The following CDH9 variants were observed in gnomAD, a reference collection of about 807,000 sequenced individuals.
CDH9 encodes the protein cadherin 9.
A neutral mutation model predicts 70.9 loss-of-function variants in CDH9; 28 were observed. That is an observed-to-expected ratio of 0.40 (90% confidence interval 0.29 to 0.54). CDH9 has a LOEUF of 0.54. Among genes scored for constraint, CDH9 ranks in the 20% least tolerant of loss-of-function variants. The pLI is 0.59. For missense variants in CDH9, 874 were observed against 984.4 expected, an observed-to-expected ratio of 0.89 and a Z score of 1.50; for synonymous variants, 409 against 343.1, an observed-to-expected ratio of 1.19 and a Z score of -2.12.
chr5:26,969,869 G>T (rs913582937), intron 2 of CDH9, among the ~76,000 whole-genome samples: 1 of 4,148 alleles, frequency 2.4e-4, no homozygotes, highest in African/African-American at 2.6e-4. Context: ...TTACTGGCTG[G>T]TTAAAAAATG....
At chr5:26,958,193 G>A (rs1327375343) in intron 2 of CDH9, among the ~76,000 whole-genome samples, 2 of 152,158 alleles carry the variant, frequency 1.3e-5, no homozygotes, top group African/African-American at 4.8e-5. Flanking sequence ...GTGAGCAGCA[G>A]AGGAGAGTGA....
intron 1 of CDH9, among the ~76,000 whole-genome samples, chr5:27,029,355 G>T (rs1743273456): frequency 6.6e-6 from 1 of 151,924 alleles, no homozygotes; most frequent in Non-Finnish European, 1.5e-5. Context: ...TGTTTATACT[G>T]AAGAGAAAAT....
At chr5:26,952,107 G>T (rs746512251) in intron 2 of CDH9, among the ~76,000 whole-genome samples, 1 of 150,846 alleles carries the variant, frequency 6.6e-6, no homozygotes, top group East Asian at 2.0e-4. Flanking sequence ...GAGATGACAG[G>T]TGCCTGTCAC....
At chr5:26,936,969 G>A (rs1264528538) in intron 2 of CDH9, among the ~76,000 whole-genome samples, 1 of 151,902 alleles carries the variant, frequency 6.6e-6, no homozygotes, top group African/African-American at 2.4e-5. Flanking sequence ...TATGTCACTC[G>A]GGTTTGAAAT....
At chr5:26,919,246 A>G (rs1340128348) in intron 2 of CDH9, among the ~76,000 whole-genome samples, 2 of 152,132 alleles carry the variant, frequency 1.3e-5, no homozygotes, top group African/African-American at 4.8e-5. Flanking sequence ...GTGAGGAGTG[A>G]ATCTATGTGC....
rs919743296 is a variant in CDH9, at chr5:26,958,417, C to T, written c.228+29689G>A. On this transcript the variant is annotated intron_variant, in intron 2 of 11. Transcript: ENST00000231021. ...TGGTTTAACTAAACGATGACCTCCC[C>T]GTTTGCCTGCCTGATCTCTCTGCGT... Among the ~76,000 whole-genome samples, 5 of 152,154 alleles carry T rather than the reference C, an allele frequency of 3.3e-5. No individual in the cohort carries two copies. The East Asian group carries it at 5.8e-4, about 18-fold the overall frequency.
At chr5:27,003,803 T>C (rs1010034792) in intron 1 of CDH9, among the ~76,000 whole-genome samples, 7 of 151,962 alleles carry the variant, frequency 4.6e-5, no homozygotes, top group African/African-American at 1.7e-4. Context: ...GATGGAATCT[T>C]AGAAGAAAAA....
intron 2 of CDH9, among the ~76,000 whole-genome samples, chr5:26,937,753 T>C (rs1008197544): frequency 7.9e-5 from 12 of 152,048 alleles, no homozygotes; most frequent in South Asian, 2.1e-4. Context: ...TCTAATTATA[T>C]GACATCTGGG....
chr5:26,934,893 T>G (rs76103334), intron 2 of CDH9, among the ~76,000 whole-genome samples: 1 of 149,042 alleles, frequency 6.7e-6, no homozygotes, highest in Non-Finnish European at 1.5e-5. Context: ...ATCTTAACCA[T>G]AGGAAGCCAT....
Position 26,906,265 on chromosome 5 carries a change from C to T in CDH9, c.644-139G>A, listed in dbSNP as rs1740946954. The stretch of plus-strand genomic sequence containing the variant: ...TTTAAATATGTCCTTCAATCCATAA[C>T]CACTTTAAGATAATTCACAGAACAG... On this transcript the variant is annotated intron_variant, in intron 4 of 11. Coordinates refer to ENST00000231021, the MANE Select transcript of CDH9 (RefSeq NM_016279.4). The T allele has an allele frequency of 1.2e-4, 77 of 668,494 alleles. 1 individual carries two copies. In the South Asian group the frequency reaches 1.5e-3, roughly 13 times the overall value. 41.4% of individuals were successfully genotyped at this position (668,494 alleles called of 1,614,324 possible).
intron 1 of CDH9, among the ~76,000 whole-genome samples, chr5:26,988,813 T>C (rs1197922505): frequency 1.3e-5 from 2 of 152,042 alleles, no homozygotes; most frequent in East Asian, 1.9e-4. Context: ...TAATCCATCA[T>C]TTTTAGTAAA....
chr5:26,888,352 A>C (rs2111970595), intron 9 of CDH9, among the ~76,000 whole-genome samples: 1 of 152,288 alleles, frequency 6.6e-6, no homozygotes, highest in South Asian at 2.1e-4. Flanking sequence ...TAAACAAGCA[A>C]AATGTACTAC....
chr5:26,985,818 A>G (rs567073156), intron 2 of CDH9, among the ~76,000 whole-genome samples: 1 of 152,254 alleles, frequency 6.6e-6, no homozygotes, highest in East Asian at 1.9e-4. Context: ...TCAAAAAGAC[A>G]ATCTGTGAGG....
intron 2 of CDH9, among the ~76,000 whole-genome samples, chr5:26,917,918 G>A (rs1741176142): frequency 6.6e-6 from 1 of 152,146 alleles, no homozygotes; most frequent in African/African-American, 2.4e-5. Context: ...ACCAGAGTTA[G>A]CATCATGCAC....
At chr5:26,997,373 C>A (rs1742684506) in intron 1 of CDH9, among the ~76,000 whole-genome samples, 1 of 151,840 alleles carries the variant, frequency 6.6e-6, no homozygotes, top group Admixed American at 6.6e-5. Flanking sequence ...AATGGAAATC[C>A]AGGGAATCAA....
At position 26,915,704 on chromosome 5, in the gene CDH9, T is replaced by A. The variant is rs1741136014; in HGVS notation, c.449A>T (p.His150Leu). ...TTTTGGCTCATTGTCATTGATATCATGTATTTTAATGATAAATTCCGATTC... is the reference window on the plus strand; with the variant it reads ...TTTTGGCTCATTGTCATTGATATCAAGTATTTTAATGATAAATTCCGATTC... ...EPESEFIIKI[H>L]DINDNEPKFT... is the part of the protein sequence containing the mutation. The change falls in exon 3 of 12, where the codon CAT (histidine) becomes CTT (leucine). Residue 150 changes from histidine to leucine, a missense_variant. Transcript: ENST00000231021. 6.2e-7 allele frequency: 1 copy of A among 1,611,132 alleles called. No individual in the cohort carries two copies. The highest frequency in any genetic ancestry group is 1.3e-5 in the African/African-American group (1 of 74,860).
intron 2 of CDH9, among the ~76,000 whole-genome samples, chr5:26,964,990 G>A (rs1224863048): frequency 4.6e-5 from 7 of 151,882 alleles, no homozygotes; most frequent in Non-Finnish European, 7.4e-5. Context: ...AATTAAAACA[G>A]CTCTTAATTT....
At chr5:26,964,912 C>T (rs1000557614) in intron 2 of CDH9, among the ~76,000 whole-genome samples, 1 of 151,598 alleles carries the variant, frequency 6.6e-6, no homozygotes. Flanking sequence ...GAATCTAACA[C>T]CTTTTCTAAA....
At chr5:26,926,917 G>GCCCCCCCCCCC (rs55917148) in intron 2 of CDH9, among the ~76,000 whole-genome samples, 1 of 125,280 alleles carries the variant, frequency 8.0e-6, no homozygotes, top group African/African-American at 3.1e-5. Flanking sequence ...CAAAAATACA[G>GCCCCCCCCCCC]CCCCCCCCCG....
Sources: allele counts gnomAD v4.1 joint callset (sites outside exome capture counted in the v4.1 genomes callset), GRCh38; gene constraint gnomAD v4.1.1; transcripts MANE v1.5; gene names NCBI Gene and HGNC (gene_info 2026-07-23, HGNC 2026-07-21).